WWC2: variants seen among roughly 807,000 people sequenced by gnomAD.
WWC2 encodes WW and C2 domain containing 2.
WWC2 carries 101 observed loss-of-function variants against 138.5 expected under a neutral mutation model. The observed-to-expected ratio is 0.73, with a 90% confidence interval of 0.62 to 0.86. The LOEUF (loss-of-function observed/expected upper bound fraction) is 0.86. Among genes scored for constraint, WWC2 ranks in the 40% least tolerant of loss-of-function variants. The pLI, the probability that WWC2 is intolerant of heterozygous loss-of-function variation, is 0.00. For synonymous variants in WWC2, 558 were observed against 538.4 expected, an observed-to-expected ratio of 1.04 and a Z score of -0.50; for missense variants, 1,420 against 1,419.4, an observed-to-expected ratio of 1.00 and a Z score of -0.01.
Position 183,182,805 on chromosome 4 carries a change from A to G in WWC2, c.132-10794A>G, listed in dbSNP as rs557810160. 3.3e-5 allele frequency among the ~76,000 whole-genome samples: 5 copies of G among 152,262 alleles called. No homozygotes were observed. The South Asian group carries it at 6.2e-4, about 19-fold the overall frequency. ...CCATAGTCAGGAAACATATGTATCAACTAACACCTTAATACCAGCCTTCAT... is the reference window on the plus strand; with the variant it reads ...CCATAGTCAGGAAACATATGTATCAGCTAACACCTTAATACCAGCCTTCAT... On this transcript the variant is annotated intron_variant, in intron 1 of 22. Transcript: ENST00000403733.
chr4:183,247,648 C>CTATATATAGTATATATAGTA (rs1436358243), intron 6 of WWC2, among the ~76,000 whole-genome samples: 22 of 128,552 alleles, frequency 1.7e-4, no homozygotes, highest in African/African-American at 7.0e-4. Context: ...ACTATATATA[C>CTATATATAGTATATATAGTA]TATATACTAT....
At chr4:183,174,797 TTC>T (rs751310767) in intron 1 of WWC2, among the ~76,000 whole-genome samples, 9 of 151,022 alleles carry the variant, frequency 6.0e-5, no homozygotes, top group East Asian at 3.9e-4. Context: ...TCCTTCTCCT[TTC>T]TCTCTCTCTC....
At chr4:183,173,893 A>G (rs1734370708) in intron 1 of WWC2, among the ~76,000 whole-genome samples, 2 of 152,186 alleles carry the variant, frequency 1.3e-5, no homozygotes, top group Non-Finnish European at 2.9e-5. Flanking sequence ...AATGAGGCAC[A>G]AAAAGCTGTT....
At chr4:183,142,521 G>A (rs892906028) in intron 1 of WWC2, among the ~76,000 whole-genome samples, 1 of 152,216 alleles carries the variant, frequency 6.6e-6, no homozygotes, top group Non-Finnish European at 1.5e-5. Flanking sequence ...GACAAAGAGA[G>A]TGTGTATAGG....
rs1743080361 is a variant in WWC2, at chr4:183,099,380, C to G, written c.-112C>G. 2 of 1,107,640 alleles carry G rather than the reference C, an allele frequency of 1.8e-6. No individual in the cohort carries two copies. Among genetic ancestry groups the G allele is most frequent in the South Asian group, 8.8e-5 (2 of 22,604 alleles). The allele number at this position is 1,107,640 out of a possible 1,614,324, so 68.6% of individuals were successfully genotyped here. A position where few individuals can be genotyped will look rare whatever the true frequency, so the allele number is the denominator to read the frequency against. ...CGCCCCGCGCCCTGCGCCCCTCAGC[C>G]CCTCGCCGGCGCCCGCGTCGCGGGT... On this transcript the variant is annotated 5_prime_UTR_variant, in exon 1 of 23. Transcript: ENST00000403733.
At chr4:183,167,959 G>A (rs112185273) in intron 1 of WWC2, among the ~76,000 whole-genome samples, 4,532 of 151,126 alleles carry the variant, frequency 0.03, 236 homozygotes, top group African/African-American at 0.11. Flanking sequence ...GGGTTCAAGC[G>A]ATTCTCCTGC....
At chr4:183,287,083 G>T (rs1051817986) in intron 20 of WWC2, among the ~76,000 whole-genome samples, 1 of 152,160 alleles carries the variant, frequency 6.6e-6, no homozygotes, top group Admixed American at 6.5e-5. Flanking sequence ...AGGCATGATG[G>T]CTGGGAAGGT....
chr4:183,130,917 A>G (rs1318482360), intron 1 of WWC2, among the ~76,000 whole-genome samples: 1 of 152,360 alleles, frequency 6.6e-6, no homozygotes, highest in East Asian at 1.9e-4. Flanking sequence ...TTTCACAGCA[A>G]CATCTAGACT....
chr4:183,284,643 T>C (rs1738188301), intron 19 of WWC2, among the ~76,000 whole-genome samples: 1 of 152,244 alleles, frequency 6.6e-6, no homozygotes, highest in Non-Finnish European at 1.5e-5. Context: ...TTTAAGGATC[T>C]GAGTGCTGAG....
rs185149843 is a variant in WWC2, at chr4:183,160,929, C to T, written c.132-32670C>T. On this transcript the variant is annotated intron_variant, in intron 1 of 22. Coordinates refer to ENST00000403733, the MANE Select transcript of WWC2 (RefSeq NM_024949.6). ...ACTTGTGCCACAGAAGATGTAAGAT[C>T]GAGAAGTAGCTTTAAGGAGTTAAAG... Among the ~76,000 whole-genome samples, 107 of 151,998 alleles carry T rather than the reference C, an allele frequency of 7.0e-4. 1 individual carries two copies. The East Asian group carries it at 0.01, about 15-fold the overall frequency.
Position 183,164,764 on chromosome 4 carries a change from A to G in WWC2, c.132-28835A>G, listed in dbSNP as rs572167889. On this transcript the variant is annotated intron_variant, in intron 1 of 22. Transcript: ENST00000403733. ...TGGGCAGCGCTTGACTTCTGAGGAC[A>G]TGGGCACATGTTTTCAAGAGACCAG... 5.3e-5 allele frequency among the ~76,000 whole-genome samples: 8 copies of G among 152,184 alleles called. No homozygotes were observed. In the South Asian group the frequency reaches 1.7e-3, roughly 32 times the overall value.
At chr4:183,218,218 A>G (rs953475805) in intron 4 of WWC2, among the ~76,000 whole-genome samples, 14 of 152,190 alleles carry the variant, frequency 9.2e-5, no homozygotes, top group African/African-American at 3.4e-4. Flanking sequence ...TTCAATAGAC[A>G]TTTCTGCAAA....
At chr4:183,254,981 G>A (rs1737091764) in intron 9 of WWC2, among the ~76,000 whole-genome samples, 1 of 152,146 alleles carries the variant, frequency 6.6e-6, no homozygotes, top group South Asian at 2.1e-4. Context: ...GAGGGAGAGA[G>A]GAAGACGTCT....
chr4:183,153,458 T>C (rs1407736361), intron 1 of WWC2, among the ~76,000 whole-genome samples: 1 of 152,192 alleles, frequency 6.6e-6, no homozygotes, highest in African/African-American at 2.4e-5. Flanking sequence ...TTAATTTGTG[T>C]TTACTTCATT....
intron 22 of WWC2, among the ~76,000 whole-genome samples, chr4:183,314,424 G>A (rs2111127956): frequency 6.6e-6 from 1 of 152,310 alleles, no homozygotes; most frequent in South Asian, 2.1e-4. Flanking sequence ...TATCACCAGG[G>A]AAGTGACGAG....
chr4:183,142,025 A>G (rs1420433919), intron 1 of WWC2, among the ~76,000 whole-genome samples: 1 of 152,244 alleles, frequency 6.6e-6, no homozygotes, highest in Non-Finnish European at 1.5e-5. Flanking sequence ...AAACACAGAA[A>G]GCTATGGTAA....
At chr4:183,257,890 AG>A (rs1737198113) in intron 9 of WWC2, among the ~76,000 whole-genome samples, 1 of 152,168 alleles carries the variant, frequency 6.6e-6, no homozygotes, top group South Asian at 2.1e-4. Flanking sequence ...CTGGGATTGT[AG>A]GAGCTAAGTG....
chr4:183,105,167 C>G (rs1005166290), intron 1 of WWC2, among the ~76,000 whole-genome samples: 2 of 152,170 alleles, frequency 1.3e-5, no homozygotes, highest in Non-Finnish European at 2.9e-5. Context: ...CCTTAGCCTA[C>G]CAAAGTGCTG....
In WWC2 at chr4:183,099,363, GCCCTGCGC is replaced by G; in HGVS notation, c.-124_-117del. 1.0e-6 allele frequency: 1 copy of G among 989,922 alleles called. No individual in the cohort carries two copies. The highest frequency in any genetic ancestry group is 1.3e-6 in the Non-Finnish European group (1 of 792,430). The allele number at this position is 989,922 out of a possible 1,614,324, so 61.3% of individuals were successfully genotyped here. A position where few individuals can be genotyped will look rare whatever the true frequency, so the allele number is the denominator to read the frequency against. On this transcript the variant is annotated 5_prime_UTR_variant, in exon 1 of 23. Coordinates refer to ENST00000403733, the MANE Select transcript of WWC2 (RefSeq NM_024949.6). ...CGCGCGTGGTTCCGCCGCGCCCCGC[GCCCTGCGC>G]CCCTCAGCCCCTCGCCGGCGCCCGC... is the stretch of plus-strand genomic sequence containing the variant.
Sources: gnomAD v4.1 joint callset for allele counts (sites outside exome capture counted in the v4.1 genomes callset) on GRCh38, gnomAD v4.1.1 for gene constraint, MANE v1.5 for transcripts, NCBI Gene and HGNC (gene_info 2026-07-23, HGNC 2026-07-21) for gene names.